The following WDR62 variants were observed in gnomAD, a reference collection of about 807,000 sequenced individuals.
WDR62 encodes the protein WD repeat domain 62.
A neutral mutation model predicts 160.6 loss-of-function variants in WDR62; 112 were observed. The ratio of observed to expected loss-of-function variants is 0.70; its 90% confidence interval spans 0.60 to 0.82. The LOEUF is 0.82. Ranked by LOEUF, WDR62 falls within the 40% of genes least tolerant of loss-of-function variation. WDR62 has a pLI of 0.00. For missense variants in WDR62, 1,819 were observed against 1,983.8 expected, an observed-to-expected ratio of 0.92 and a Z score of 1.58; for synonymous variants, 792 against 815.1, an observed-to-expected ratio of 0.97 and a Z score of 0.48.
At chr19:36,096,878 G>GT (rs746575747) in intron 20 of WDR62, 149 bp from the exon 21 acceptor site, 6 of 748,472 alleles carry the variant, frequency 8.0e-6, no homozygotes, top group African/African-American at 1.7e-5. Context: ...GCATCCCACG[G>GT]TTTAAGTTTG....
chr19:36,089,170 T>C lies in WDR62; in HGVS notation c.1837-15T>C. On this transcript the variant is annotated splice_polypyrimidine_tract_variant and intron_variant, in intron 14 of 31. Transcript: ENST00000401500. Reference sequence around the variant, plus strand: ...TTGTCGGGGCATTCTCTGAAGGTCCTGCCGGCCCTGCCAGGGTTCGGATGG... The same window carrying C: ...TTGTCGGGGCATTCTCTGAAGGTCCCGCCGGCCCTGCCAGGGTTCGGATGG... 1 of 1,613,618 alleles carries C rather than the reference T, an allele frequency of 6.2e-7. No individual in the cohort carries two copies.
chr19:36,089,086 A>G lies in WDR62; in HGVS notation c.1817A>G (p.Tyr606Cys). Reference sequence around the variant, plus strand: ...AGCTGTGGGGCTGACAAGAGCATCTACTTTCGCAGTGCCCAGCAGGTAGGG... The same window carrying G: ...AGCTGTGGGGCTGACAAGAGCATCTGCTTTCGCAGTGCCCAGCAGGTAGGG... ...MISCGADKSIYFRSAQQGSDG... is the reference protein window; with the variant it reads ...MISCGADKSICFRSAQQGSDG... The change falls in exon 14 of 32, where the codon TAC becomes TGC. Residue 606 changes from tyrosine to cysteine, a missense_variant. This residue lies in a region of WDR62 where 934 missense variants were observed against 1,157.2 expected (regional missense o/e 0.81). Transcript: ENST00000401500. 1 of 1,614,102 alleles carries G rather than the reference A, an allele frequency of 6.2e-7. No individual in the cohort carries two copies. Among genetic ancestry groups the G allele is most frequent in the Non-Finnish European group, 8.5e-7 (1 of 1,180,020 alleles).
In WDR62 at chr19:36,101,659, T is replaced by C. The variant is rs1347177149; in HGVS notation, c.2972-5T>C. On this transcript the variant is annotated splice_polypyrimidine_tract_variant and splice_region_variant and intron_variant, in intron 24 of 31. Transcript: ENST00000401500. ...TGGGCTCCTGACCCCGACTCTGTCC[T>C]TCAGACTCGGGGGAGTCAGAGGCCG... is the stretch of plus-strand genomic sequence containing the variant. The C allele has an allele frequency of 3.9e-6, 6 of 1,547,184 alleles. No individual in the cohort carries two copies. The highest frequency in any genetic ancestry group is 1.2e-5 in the South Asian group (1 of 83,962).
At chr19:36,062,820 G>T (rs1215085617) in intron 3 of WDR62, among the ~76,000 whole-genome samples, 1 of 152,094 alleles carries the variant, frequency 6.6e-6, no homozygotes, top group Non-Finnish European at 1.5e-5. Context: ...TCAGGAGTCA[G>T]CCTTTGTCCC....
intron 9 of WDR62, chr19:36,075,461 C>CA (rs1011098263): frequency 1.3e-5 from 2 of 151,744 alleles, no homozygotes; most frequent in Non-Finnish European, 2.9e-5. Flanking sequence ...TTTTTTCCCC[C>CA]CCAAGACGGA....
intron 10 of WDR62, chr19:36,081,895 G>T: frequency 2.0e-6 from 1 of 500,624 alleles, no homozygotes; most frequent in South Asian, 1.5e-5. Context: ...GGAATTCCCT[G>T]GGAGAGCACC....
At chr19:36,076,483 G>A (rs1443790997) in intron 9 of WDR62, among the ~76,000 whole-genome samples, 3 of 151,760 alleles carry the variant, frequency 2.0e-5, no homozygotes, top group African/African-American at 4.8e-5. Flanking sequence ...GCTTGAACCC[G>A]GGAGGCAGAG....
intron 3 of WDR62, among the ~76,000 whole-genome samples, chr19:36,065,284 T>C (rs1970874613): frequency 6.6e-6 from 1 of 152,210 alleles, no homozygotes. Context: ...TACTTAGTTA[T>C]CTACACACCA....
At chr19:36,105,984 C>T (rs1296375177), downstream of WDR62, among the ~76,000 whole-genome samples, 2 of 152,192 alleles carry the variant, frequency 1.3e-5, no homozygotes, top group Non-Finnish European at 2.9e-5. Flanking sequence ...CAGGCATGAG[C>T]CACCGCACCT....
At chr19:36,095,127 A>G (rs1240871247) in intron 20 of WDR62, among the ~76,000 whole-genome samples, 1 of 152,224 alleles carries the variant, frequency 6.6e-6, no homozygotes, top group African/African-American at 2.4e-5. Flanking sequence ...TTGGTGCCTG[A>G]AAATTGGAGA....
intron 16 of WDR62, 48 bp downstream of exon 16, chr19:36,090,568 T>G (rs755829274): frequency 6.5e-7 from 1 of 1,548,370 alleles, no homozygotes; most frequent in Non-Finnish European, 8.9e-7. Context: ...ATGGGCCACC[T>G]ATTGTGACGG....
At chr19:36,097,468 C>T (rs969597974) in intron 21 of WDR62, among the ~76,000 whole-genome samples, 17 of 152,202 alleles carry the variant, frequency 1.1e-4, no homozygotes, top group African/African-American at 4.1e-4. Flanking sequence ...GTCCCAGCTA[C>T]TCAGGAGGCT....
chr19:36,099,929 C>G (rs1973225362), intron 22 of WDR62, among the ~76,000 whole-genome samples: 1 of 152,090 alleles, frequency 6.6e-6, no homozygotes, highest in African/African-American at 2.4e-5. Flanking sequence ...AAGAGGCTTA[C>G]CTCTTTGGGC....
At chr19:36,082,631 A>G (rs1315724811) in intron 10 of WDR62, among the ~76,000 whole-genome samples, 1 of 152,182 alleles carries the variant, frequency 6.6e-6, no homozygotes, top group East Asian at 1.9e-4. Context: ...AACTCAAAAC[A>G]AGAGGTAAAA....
At chr19:36,066,617 T>A (rs1358859887) in intron 5 of WDR62, among the ~76,000 whole-genome samples, 190 bp downstream of exon 5, 2 of 152,224 alleles carry the variant, frequency 1.3e-5, no homozygotes, top group East Asian at 3.9e-4. Context: ...CTAGAAGCAT[T>A]ATACATATTT....
At chr19:36,070,322 C>T (rs1438265920) in intron 7 of WDR62, 2 of 151,954 alleles carry the variant, frequency 1.3e-5, no homozygotes, top group African/African-American at 4.8e-5. Flanking sequence ...CCACGCACAG[C>T]TAATTTTTGT....
At chr19:36,105,229 C>G (rs550241668), downstream of WDR62, 1 of 677,980 alleles carries the variant, frequency 1.5e-6, no homozygotes, top group Non-Finnish European at 2.5e-6. Flanking sequence ...GGGACCAGCG[C>G]TCCCAAGAAG....
At chr19:36,102,623 CTG>C in intron 26 of WDR62, 112 bp from the exon 27 acceptor site, 1 of 858,476 alleles carries the variant, frequency 1.2e-6, no homozygotes. Context: ...TGCTCGTACC[CTG>C]TGTCTGTACA....
Position 36,101,271 on chromosome 19 carries a change from C to T in WDR62, c.2925C>T (p.Tyr975=). ...AGPGDQQGDS[Y]LRVSSDSPKD... ...CTGGAGACCAGCAGGGCGACTCCTA[C>T]CTCAGGGTGTCCTCCGACAGCCCAA... The change falls in exon 24 of 32, where the codon TAC becomes TAT. Residue 975 remains tyrosine, a synonymous_variant. Coordinates refer to ENST00000401500, the MANE Select transcript of WDR62 (RefSeq NM_001083961.2). The T allele has an allele frequency of 6.2e-7, 1 of 1,613,116 alleles. No individual in the cohort carries two copies. Among genetic ancestry groups the T allele is most frequent in the East Asian group, 2.2e-5 (1 of 44,850 alleles).
Sources: allele counts gnomAD v4.1 joint callset (sites outside exome capture counted in the v4.1 genomes callset), GRCh38; gene constraint gnomAD v4.1.1; regional missense constraint gnomAD v4.1.1; transcripts MANE v1.5; gene names NCBI Gene and HGNC (gene_info 2026-07-23, HGNC 2026-07-21).